Variants in GSG1L observed in about 807,000 individuals in gnomAD.
GSG1L encodes the protein germ cell-specific gene 1-like protein.
Under a neutral mutation model 42.1 loss-of-function variants are expected in GSG1L, and 24 were observed. That is an observed-to-expected ratio of 0.57 (90% CI 0.41 to 0.80). The LOEUF (loss-of-function observed/expected upper bound fraction) is 0.80. GSG1L is among the 30% of genes least tolerant of loss of function. The pLI is 0.00. For synonymous variants in GSG1L, 215 were observed against 203.5 expected (o/e 1.06, Z -0.48); for missense variants, 445 against 472.2 (o/e 0.94, Z 0.53).
chr16:27,883,138 A>G (rs1025767679), intron 3 of GSG1L, among the ~76,000 whole-genome samples: 63 of 25,696 alleles, frequency 2.5e-3, no homozygotes, highest in Admixed American at 9.3e-3. Flanking sequence ...AAAAAAAAAA[A>G]AGAGAGAGAG....
chr16:27,888,573 T>C lies in GSG1L; in HGVS notation c.398-3935A>G, dbSNP rs1423468856. ...TTTCTTTCTTTCTTTCTTTCTTTCTTTCTTTCTTTCTCCGTCTCTCTCTGT... is the reference window on the plus strand; with the variant it reads ...TTTCTTTCTTTCTTTCTTTCTTTCTCTCTTTCTTTCTCCGTCTCTCTCTGT... On this transcript the variant is annotated intron_variant, in intron 2 of 6. Transcript: ENST00000447459. Among the ~76,000 whole-genome samples, 5 of 119,876 alleles carry C rather than the reference T, an allele frequency of 4.2e-5. 1 individual carries two copies. Among genetic ancestry groups the C allele is most frequent in the Admixed American group, 1.7e-4 (2 of 11,734 alleles). 78.6% of individuals were successfully genotyped at this position (119,876 alleles called of 152,430 possible).
At chr16:27,899,497 G>A (rs536158954) in intron 2 of GSG1L, among the ~76,000 whole-genome samples, 4 of 152,264 alleles carry the variant, frequency 2.6e-5, no homozygotes, top group East Asian at 3.9e-4. Context: ...CGGGAGGATC[G>A]CCTGAGCCCA....
At chr16:27,979,326 AAGGC>A (rs2085286555) in intron 1 of GSG1L, among the ~76,000 whole-genome samples, 1 of 151,874 alleles carries the variant, frequency 6.6e-6, no homozygotes, top group South Asian at 2.1e-4. Context: ...AGCACTTTGG[AAGGC>A]CGAGACGGGT....
intron 1 of GSG1L, among the ~76,000 whole-genome samples, chr16:27,980,997 C>G (rs1015918069): frequency 1.3e-4 from 20 of 151,914 alleles, no homozygotes; most frequent in African/African-American, 4.8e-4. Flanking sequence ...AGTGGTGGAG[C>G]CAGGATTCCA....
intron 3 of GSG1L, among the ~76,000 whole-genome samples, chr16:27,869,521 ATC>A (rs2083776675): frequency 1.3e-5 from 1 of 77,990 alleles, no homozygotes; most frequent in East Asian, 3.6e-4. Flanking sequence ...GTCTCCATCC[ATC>A]TCTCTCTCCT....
At chr16:27,905,881 C>T (rs1397277635) in intron 2 of GSG1L, among the ~76,000 whole-genome samples, 5 of 152,096 alleles carry the variant, frequency 3.3e-5, no homozygotes, top group South Asian at 2.1e-4. Context: ...ACCCCTGCCT[C>T]ACCACCTTGA....
Position 27,791,270 on chromosome 16 carries a change from G to T in GSG1L, c.*100C>A. 1.4e-6 allele frequency: 1 copy of T among 734,912 alleles called. No individual in the cohort carries two copies. Among genetic ancestry groups the T allele is most frequent in the Non-Finnish European group, 2.0e-6 (1 of 493,248 alleles). The allele number at this position is 734,912 out of a possible 1,614,324, so 45.5% of individuals were successfully genotyped here. Reference sequence around the variant, plus strand: ...CCCACGCAGGCTGACTGAGTTCACGGCACACAGGCCAGGGTTCTGGGGGCA... The same window carrying T: ...CCCACGCAGGCTGACTGAGTTCACGTCACACAGGCCAGGGTTCTGGGGGCA... On this transcript the variant is annotated 3_prime_UTR_variant, in exon 7 of 7. Transcript: ENST00000447459.
chr16:27,927,900 G>T (rs185887042), intron 2 of GSG1L, among the ~76,000 whole-genome samples: 14 of 152,284 alleles, frequency 9.2e-5, no homozygotes, highest in Admixed American at 5.2e-4. Flanking sequence ...GTGGGGAGTG[G>T]CCTGGACATC....
At chr16:27,930,672 G>A (rs1050540261) in intron 2 of GSG1L, among the ~76,000 whole-genome samples, 2 of 152,188 alleles carry the variant, frequency 1.3e-5, no homozygotes, top group Non-Finnish European at 2.9e-5. Flanking sequence ...ACAGCATTTA[G>A]GAGGTCCTGA....
At chr16:27,909,982 C>G (rs1044145041) in intron 2 of GSG1L, among the ~76,000 whole-genome samples, 2 of 123,892 alleles carry the variant, frequency 1.6e-5, no homozygotes. Context: ...TTTGTTTAGA[C>G]AGAGTCTTGC....
Position 28,063,552 on chromosome 16 carries a change from G to A in GSG1L, c.-128C>T. The A allele has an allele frequency of 2.5e-6, 1 of 399,678 alleles. No homozygotes were observed. Among genetic ancestry groups the A allele is most frequent in the Non-Finnish European group, 3.5e-6 (1 of 287,990 alleles). 24.8% of individuals were successfully genotyped at this position (399,678 alleles called of 1,614,324 possible). On this transcript the variant is annotated 5_prime_UTR_variant, in exon 1 of 7. Transcript: ENST00000447459. This position sits in a 1 kb window ranked among gnomAD's most constrained non-coding sequence, Gnocchi z 5.8. Reference sequence around the variant, plus strand: ...GGCTCGGGTGCCTGAGATCGGCGGCGGCGGACGCGGCGCGGGCCCATGCCC... The same window carrying A: ...GGCTCGGGTGCCTGAGATCGGCGGCAGCGGACGCGGCGCGGGCCCATGCCC...
At chr16:28,005,150 G>T (rs2085624696) in intron 1 of GSG1L, among the ~76,000 whole-genome samples, 1 of 152,106 alleles carries the variant, frequency 6.6e-6, no homozygotes, top group African/African-American at 2.4e-5. Context: ...TTTTGCTCTT[G>T]TTGCCCAGGC....
intron 2 of GSG1L, among the ~76,000 whole-genome samples, chr16:27,951,102 C>T (rs964865773): frequency 1.3e-5 from 2 of 152,170 alleles, no homozygotes; most frequent in African/African-American, 4.8e-5. Flanking sequence ...GCAAGATGGA[C>T]GAAGGTTACT....
chr16:27,803,775 A>ATC (rs1327747625), intron 6 of GSG1L, among the ~76,000 whole-genome samples: 1 of 68,194 alleles, frequency 1.5e-5, no homozygotes. Flanking sequence ...ACATATATAT[A>ATC]TATATATATA....
chr16:28,009,490 AC>A (rs1375675841), intron 1 of GSG1L, among the ~76,000 whole-genome samples: 6 of 152,344 alleles, frequency 3.9e-5, no homozygotes, highest in African/African-American at 1.2e-4. Context: ...CATCAGTTCC[AC>A]GAGGGCAGAG....
chr16:27,935,817 G>A (rs890653573), intron 2 of GSG1L, among the ~76,000 whole-genome samples: 1 of 149,146 alleles, frequency 6.7e-6, no homozygotes, highest in Non-Finnish European at 1.5e-5. Context: ...CCGGACACAA[G>A]CATCCATCCT....
At chr16:27,949,849 CG>C (rs1286473925) in intron 2 of GSG1L, among the ~76,000 whole-genome samples, 1 of 152,132 alleles carries the variant, frequency 6.6e-6, no homozygotes, top group African/African-American at 2.4e-5. Flanking sequence ...GGCATGAACC[CG>C]GGAGGCAGAG....
At position 27,889,395 on chromosome 16, in the gene GSG1L, C is replaced by T. The variant is rs181279400; in HGVS notation, c.398-4757G>A. ...CAGCCAAGGAAATTAATAACAATAA[C>T]GATTGTTCTTGTCGTTATAATTGTC... On this transcript the variant is annotated intron_variant, in intron 2 of 6. Coordinates refer to ENST00000447459, the MANE Select transcript of GSG1L (RefSeq NM_001109763.2). 2.0e-3 allele frequency among the ~76,000 whole-genome samples: 310 copies of T among 152,212 alleles called. 1 individual carries two copies. The highest frequency in any genetic ancestry group is 4.6e-3 in the African/African-American group (192 of 41,526).
chr16:28,001,334 T>C (rs1171864033), intron 1 of GSG1L, among the ~76,000 whole-genome samples: 1 of 152,196 alleles, frequency 6.6e-6, no homozygotes, highest in Non-Finnish European at 1.5e-5. Context: ...CACCAGCCTG[T>C]GACGTCTGTG....
Sources: allele counts gnomAD v4.1 joint callset (sites outside exome capture counted in the v4.1 genomes callset), GRCh38; gene constraint gnomAD v4.1.1; non-coding constraint Gnocchi (gnomAD v3.1); transcripts MANE v1.5; gene names NCBI Gene and HGNC (gene_info 2026-07-23, HGNC 2026-07-21).